The following SGK1 variants were observed in gnomAD, a reference collection of about 807,000 sequenced individuals.
The protein encoded by SGK1 is serum/glucocorticoid regulated kinase 1.
Under a neutral mutation model 64.2 loss-of-function variants are expected in SGK1, and 26 were observed. The observed-to-expected ratio is 0.40, with a 90% CI of 0.30 to 0.56. SGK1 has a LOEUF of 0.56. Among genes scored for constraint, SGK1 ranks in the 20% least tolerant of loss-of-function variants. SGK1 has a pLI of 0.38. For synonymous variants in SGK1, 265 were observed against 239.7 expected, an observed-to-expected ratio of 1.11 and a Z score of -0.98; for missense variants, 519 against 645.6, an observed-to-expected ratio of 0.80 and a Z score of 2.12.
At chr6:134,316,743 CAAAAAAAAA>C (rs141130901) in intron 1 of SGK1, among the ~76,000 whole-genome samples, 20 of 39,286 alleles carry the variant, frequency 5.1e-4, no homozygotes, top group African/African-American at 1.8e-3. Flanking sequence ...TGCTCTCTCC[CAAAAAAAAA>C]AAAAAAAAAA....
chr6:134,226,358 T>C (rs962077026), intron 2 of SGK1, among the ~76,000 whole-genome samples: 1 of 140,170 alleles, frequency 7.1e-6, no homozygotes, highest in Non-Finnish European at 1.6e-5. Context: ...AAAAAGGTGT[T>C]TTTTTTTCTT....
intron 2 of SGK1, among the ~76,000 whole-genome samples, chr6:134,218,437 C>CTTTTTTTTTTTTTTTTTT (rs71003680): frequency 1.5e-5 from 2 of 129,178 alleles, no homozygotes; most frequent in Non-Finnish European, 3.2e-5. Flanking sequence ...TTCTTTTTTT[C>CTTTTTTTTTTTTTTTTTT]TTTTTTTTTT....
At chr6:134,182,696 C>CACAG (rs1775349622) in intron 3 of SGK1, among the ~76,000 whole-genome samples, 1 of 152,136 alleles carries the variant, frequency 6.6e-6, no homozygotes, top group Admixed American at 6.5e-5. Flanking sequence ...AAGGCACTTG[C>CACAG]ACAGCATGGG....
At chr6:134,211,656 A>AG (rs1775891398) in intron 2 of SGK1, 1 of 152,224 alleles carries the variant, frequency 6.6e-6, no homozygotes. Flanking sequence ...AAACCATGCT[A>AG]GCTCTTTGCA....
At chr6:134,244,212 A>G (rs1776490434) in intron 2 of SGK1, among the ~76,000 whole-genome samples, 1 of 151,910 alleles carries the variant, frequency 6.6e-6, no homozygotes, top group Non-Finnish European at 1.5e-5. Context: ...TATGAGTGAG[A>G]ACATGCAGTG....
intron 3 of SGK1, among the ~76,000 whole-genome samples, chr6:134,200,073 T>C (rs1775657754): frequency 6.6e-6 from 1 of 152,160 alleles, no homozygotes; most frequent in Non-Finnish European, 1.5e-5. Context: ...AAGAGGAAAT[T>C]ATAGGCCACT....
chr6:134,244,548 T>G (rs925059507), intron 2 of SGK1, among the ~76,000 whole-genome samples: 1 of 152,162 alleles, frequency 6.6e-6, no homozygotes, highest in East Asian at 1.9e-4. Flanking sequence ...CCCTCATGGC[T>G]TCCCTTGGCT....
chr6:134,261,900 A>T (rs375970108), intron 2 of SGK1, 33 bp downstream of exon 2: 1 of 1,509,920 alleles, frequency 6.6e-7, no homozygotes, highest in East Asian at 2.3e-5. Flanking sequence ...GAATTTTTCC[A>T]GGAGAATAGA....
At chr6:134,282,156 T>C (rs1777103745) in intron 1 of SGK1, among the ~76,000 whole-genome samples, 1 of 152,126 alleles carries the variant, frequency 6.6e-6, no homozygotes, top group Non-Finnish European at 1.5e-5. Flanking sequence ...GCTCTAGACT[T>C]GTTCTGATTT....
chr6:134,182,168 G>A (rs914070008), intron 3 of SGK1, among the ~76,000 whole-genome samples: 10 of 152,110 alleles, frequency 6.6e-5, no homozygotes, highest in Admixed American at 6.6e-5. Context: ...ATACCTGTGA[G>A]ATTTTAGACA....
At chr6:134,307,043 G>A (rs1447576581) in intron 1 of SGK1, among the ~76,000 whole-genome samples, 2 of 151,822 alleles carry the variant, frequency 1.3e-5, no homozygotes, top group Non-Finnish European at 2.9e-5. Flanking sequence ...AGAATGAAAT[G>A]TATAATGCAA....
chr6:134,173,117 T>C lies in SGK1; in HGVS notation c.740A>G (p.Lys247Arg). 6.2e-7 allele frequency: 1 copy of C among 1,614,138 alleles called. No individual in the cohort carries two copies. Among genetic ancestry groups the C allele is most frequent in the Non-Finnish European group, 8.5e-7 (1 of 1,180,002 alleles). ...HIMSERNVLLKNVKHPFLVGL... is the reference protein window; with the variant it reads ...HIMSERNVLLRNVKHPFLVGL... ...CACCAGGAAAGGGTGCTTCACATTC[T>C]TCAACAGAACATTCCGCTCCGACAT... Residue 247 changes from lysine (K) to arginine (R), a missense_variant, in exon 8 of 14, where the codon AAG becomes AGG. Transcript: ENST00000367858.
At chr6:134,197,849 A>T (rs142380623) in intron 3 of SGK1, among the ~76,000 whole-genome samples, 11,596 of 145,020 alleles carry the variant, frequency 0.08, 635 homozygotes, top group Non-Finnish European at 0.1. Context: ...AAAATAAAAT[A>T]AAATAAAATT....
chr6:134,279,021 G>T (rs1011012676), intron 1 of SGK1, among the ~76,000 whole-genome samples: 1 of 152,228 alleles, frequency 6.6e-6, no homozygotes, highest in South Asian at 2.1e-4. Context: ...TTTAAAAAGT[G>T]TAGGCAAGGT....
At chr6:134,170,623 T>A (rs1774984786) in intron 13 of SGK1, 188 bp from the exon 14 acceptor site, 1 of 685,664 alleles carries the variant, frequency 1.5e-6, no homozygotes, top group Non-Finnish European at 2.4e-6. Flanking sequence ...TGTTGCCTTT[T>A]GGTGCTTCGA....
Position 134,252,455 on chromosome 6 carries a change from G to A in SGK1, c.285+9478C>T, listed in dbSNP as rs529790206. ...TTGATCAGGATCTTTTTGGGAGAGT[G>A]TGCTGATTTTAGCTTTCAGCTAACG... On this transcript the variant is annotated intron_variant, in intron 2 of 13. Coordinates refer to ENST00000367858, the MANE Select transcript of SGK1 (RefSeq NM_001143676.3). 2.6e-5 allele frequency among the ~76,000 whole-genome samples: 4 copies of A among 152,204 alleles called. No individual in the cohort carries two copies. In the South Asian group the frequency reaches 8.3e-4, roughly 32 times the overall value.
rs1253250503 is a variant in SGK1 at position 134,171,522 on chromosome 6, G to A, written c.1167+115C>T. ...TATAAAATAACCAATATGCCTCTTA[G>A]CTGCTTTTGATAAGCGTACTGGTAA... On this transcript the variant is annotated intron_variant, in intron 11 of 13. Transcript: ENST00000367858. 1.2e-4 allele frequency: 86 copies of A among 700,882 alleles called. 1 individual carries two copies. In the East Asian group the frequency reaches 2.3e-3, roughly 19 times the overall value. The allele number at this position is 700,882 out of a possible 1,614,324, so 43.4% of individuals were successfully genotyped here.
intron 1 of SGK1, among the ~76,000 whole-genome samples, chr6:134,284,372 G>A (rs1023973689): frequency 6.6e-6 from 1 of 152,182 alleles, no homozygotes; most frequent in Non-Finnish European, 1.5e-5. Flanking sequence ...TGGGATTAAA[G>A]GCCTGAGCCA....
chr6:134,276,173 G>A (rs1228232341), intron 1 of SGK1, among the ~76,000 whole-genome samples: 1 of 152,154 alleles, frequency 6.6e-6, no homozygotes, highest in Non-Finnish European at 1.5e-5. Flanking sequence ...CCAACATACA[G>A]GCAATGCTGA....
Sources: gnomAD v4.1 joint callset for allele counts (sites outside exome capture counted in the v4.1 genomes callset) on GRCh38, gnomAD v4.1.1 for gene constraint, MANE v1.5 for transcripts, NCBI Gene and HGNC (gene_info 2026-07-23, HGNC 2026-07-21) for gene names.